NEGR1: variants seen among roughly 807,000 people sequenced by gnomAD.
NEGR1 encodes the protein IgLON family member 4.
Under a neutral mutation model 40.9 loss-of-function variants are expected in NEGR1, and 10 were observed. The ratio of observed to expected loss-of-function variants is 0.24; its 90% CI spans 0.15 to 0.42. NEGR1 has a LOEUF of 0.42. NEGR1 is among the 10% of genes least tolerant of loss of function. NEGR1 has a pLI of 1.00. For synonymous variants in NEGR1, 185 were observed against 166.8 expected, an observed-to-expected ratio of 1.11 and a Z score of -0.84; for missense variants, 352 against 438.9, an observed-to-expected ratio of 0.80 and a Z score of 1.77.
chr1:72,026,821 T>TCCTTAACTTGCATAGCTACCCTCTCCAG (rs1646814672), intron 1 of NEGR1, among the ~76,000 whole-genome samples: 1 of 151,920 alleles, frequency 6.6e-6, no homozygotes, highest in African/African-American at 2.4e-5. Context: ...ACCCTCTCCA[T>TCCTTAACTTGCATAGCTACCCTCTCCAG]CAATCCTTAA....
chr1:71,425,873 G>A (rs995964478), intron 6 of NEGR1, among the ~76,000 whole-genome samples: 5 of 152,024 alleles, frequency 3.3e-5, no homozygotes, highest in Non-Finnish European at 4.4e-5. Flanking sequence ...CAAAAATCAG[G>A]ACAAAAAACA....
intron 1 of NEGR1, among the ~76,000 whole-genome samples, chr1:71,967,944 A>G (rs1029739667): frequency 4.6e-5 from 7 of 152,322 alleles, no homozygotes; most frequent in Admixed American, 2.6e-4. Flanking sequence ...AGGTGGGAAA[A>G]CATTTTATAG....
chr1:71,549,372 A>G (rs1648000355), intron 6 of NEGR1, among the ~76,000 whole-genome samples: 1 of 151,656 alleles, frequency 6.6e-6, no homozygotes, highest in Non-Finnish European at 1.5e-5. Context: ...TTGGCGGGGA[A>G]AGAGAGTGTT....
At chr1:71,913,550 A>G (rs1253132402) in intron 2 of NEGR1, among the ~76,000 whole-genome samples, 1 of 152,094 alleles carries the variant, frequency 6.6e-6, no homozygotes, top group Non-Finnish European at 1.5e-5. Context: ...TGGATGTCTC[A>G]GCCTTAGCAA....
intron 2 of NEGR1, among the ~76,000 whole-genome samples, chr1:71,862,400 G>C (rs1659976931): frequency 6.6e-6 from 1 of 151,874 alleles, no homozygotes; most frequent in Admixed American, 6.6e-5. Context: ...AACATCATAA[G>C]ATAACTACCT....
chr1:72,050,276 C>T (rs1245721447), intron 1 of NEGR1, among the ~76,000 whole-genome samples: 1 of 151,422 alleles, frequency 6.6e-6, no homozygotes, highest in African/African-American at 2.4e-5. Flanking sequence ...TATATGCTCA[C>T]TGTTATTGAA....
chr1:72,172,878 C>T (rs1351211482), intron 1 of NEGR1, among the ~76,000 whole-genome samples: 1 of 152,130 alleles, frequency 6.6e-6, no homozygotes, highest in Non-Finnish European at 1.5e-5. Context: ...TCCATATTGC[C>T]ATCTCTCTGG....
At chr1:71,611,880 A>T (rs1350436323) in intron 4 of NEGR1, among the ~76,000 whole-genome samples, 1 of 152,180 alleles carries the variant, frequency 6.6e-6, no homozygotes, top group Non-Finnish European at 1.5e-5. Flanking sequence ...CCCGCCTCTG[A>T]GTATCTGGAT....
intron 2 of NEGR1, among the ~76,000 whole-genome samples, chr1:71,870,585 A>G (rs1460953710): frequency 6.6e-6 from 1 of 152,192 alleles, no homozygotes; most frequent in Non-Finnish European, 1.5e-5. Flanking sequence ...AGTGCAGTTA[A>G]GTATAGCTGA....
intron 1 of NEGR1, among the ~76,000 whole-genome samples, chr1:72,063,053 A>C (rs1390411806): frequency 6.6e-6 from 1 of 151,914 alleles, no homozygotes; most frequent in African/African-American, 2.4e-5. Context: ...TGATTTTAGA[A>C]GTCTCGAATA....
At chr1:72,182,886 C>T (rs945646863) in intron 1 of NEGR1, among the ~76,000 whole-genome samples, 2 of 151,732 alleles carry the variant, frequency 1.3e-5, no homozygotes, top group Non-Finnish European at 2.9e-5. Flanking sequence ...TTAGCAAGTT[C>T]TATTTGTGAC....
intron 3 of NEGR1, among the ~76,000 whole-genome samples, chr1:71,724,142 T>C (rs1654598513): frequency 6.6e-6 from 1 of 152,182 alleles, no homozygotes; most frequent in South Asian, 2.1e-4. Flanking sequence ...CACAGCTTAC[T>C]GATGCTGGAT....
intron 1 of NEGR1, among the ~76,000 whole-genome samples, chr1:72,160,396 C>T (rs934993934): frequency 1.3e-5 from 2 of 152,038 alleles, no homozygotes; most frequent in Admixed American, 1.3e-4. Flanking sequence ...TTCTTCTTCT[C>T]CTTACAAATA....
rs530710195 is a variant in NEGR1, at chr1:72,066,730, C to T, written c.177-131419G>A. ...AGGCCTCCGGAGAAACCACCACTGC[C>T]GGCACCTTGATCTTAGACCACCAGC... On this transcript the variant is annotated intron_variant, in intron 1 of 6. Transcript: ENST00000357731. Among the ~76,000 whole-genome samples, 55 of 152,114 alleles carry T rather than the reference C, an allele frequency of 3.6e-4. 1 individual carries two copies. The South Asian group carries it at 8.7e-3, about 24-fold the overall frequency.
chr1:71,634,625 A>C (rs1283027298), intron 4 of NEGR1, among the ~76,000 whole-genome samples: 1 of 152,108 alleles, frequency 6.6e-6, no homozygotes, highest in Non-Finnish European at 1.5e-5. Context: ...TCTTGAATTG[A>C]TTTTAGGACT....
intron 3 of NEGR1, among the ~76,000 whole-genome samples, chr1:71,716,976 G>A (rs955669691): frequency 1.3e-5 from 2 of 152,132 alleles, no homozygotes; most frequent in Non-Finnish European, 2.9e-5. Context: ...CACACACCTT[G>A]TTCAAGAGAG....
At chr1:72,198,123 T>C (rs913181503) in intron 1 of NEGR1, among the ~76,000 whole-genome samples, 2 of 152,012 alleles carry the variant, frequency 1.3e-5, no homozygotes, top group Non-Finnish European at 2.9e-5. Flanking sequence ...CCTGTGGAAC[T>C]GAAAAGGTAC....
At chr1:71,764,667 G>A (rs1330797926) in intron 3 of NEGR1, among the ~76,000 whole-genome samples, 1 of 152,146 alleles carries the variant, frequency 6.6e-6, no homozygotes, top group Non-Finnish European at 1.5e-5. Context: ...GAGGAGTGTA[G>A]TGGCTGGCCA....
At chr1:71,579,892 T>TA (rs1401183706) in intron 6 of NEGR1, among the ~76,000 whole-genome samples, 4 of 152,278 alleles carry the variant, frequency 2.6e-5, no homozygotes, top group African/African-American at 9.6e-5. Context: ...AAATGAATGA[T>TA]ATTGCTTAAA....
Sources: gnomAD v4.1 joint callset for allele counts (sites outside exome capture counted in the v4.1 genomes callset) on GRCh38, gnomAD v4.1.1 for gene constraint, MANE v1.5 for transcripts, NCBI Gene and HGNC (gene_info 2026-07-23, HGNC 2026-07-21) for gene names.